DCAF10: variants seen among roughly 807,000 people sequenced by gnomAD.
DCAF10 encodes DDB1- and CUL4-associated factor 10.
In DCAF10, 19 loss-of-function variants were observed where a neutral mutation model predicts 51.9. That is an observed-to-expected ratio of 0.37 (90% CI 0.26 to 0.54). DCAF10 has a LOEUF of 0.54. Among genes scored for constraint, DCAF10 ranks in the 20% least tolerant of loss-of-function variants. DCAF10 has a pLI of 0.87. For synonymous variants in DCAF10, 291 were observed against 297.1 expected (o/e 0.98, Z 0.21); for missense variants, 510 against 730.6 (o/e 0.70, Z 3.48).
chr9:37,845,160 T>C (rs1042820382), intron 3 of DCAF10, among the ~76,000 whole-genome samples: 2 of 152,130 alleles, frequency 1.3e-5, no homozygotes, highest in Non-Finnish European at 2.9e-5. Flanking sequence ...AGGTTGAAAA[T>C]TGATGAACTA....
rs942990803 is a variant in DCAF10, at chr9:37,863,224, G to T, written c.*1716G>T. On this transcript the variant is annotated 3_prime_UTR_variant, in exon 7 of 7. Transcript: ENST00000377724. Reference sequence around the variant, plus strand: ...ACCTGTAATCCCAGCTACCCAGGAGGCTGAGGCAAGAGAATCACTTGAACC... The same window carrying T: ...ACCTGTAATCCCAGCTACCCAGGAGTCTGAGGCAAGAGAATCACTTGAACC... The T allele has an allele frequency of 3.3e-5, 5 of 150,612 alleles. No homozygotes were observed. Among genetic ancestry groups the T allele is most frequent in the Admixed American group, 1.3e-4 (2 of 14,998 alleles). The allele number at this position is 150,612 out of a possible 1,614,324, so 9.3% of individuals were successfully genotyped here. A position where few individuals can be genotyped will look rare whatever the true frequency, so the allele number is the denominator to read the frequency against.
chr9:37,815,576 C>T (rs541081045), intron 1 of DCAF10, among the ~76,000 whole-genome samples: 5 of 151,884 alleles, frequency 3.3e-5, no homozygotes, highest in Admixed American at 1.3e-4. Context: ...ACCCGGGAGG[C>T]GGAGGTTGCA....
intron 2 of DCAF10, among the ~76,000 whole-genome samples, chr9:37,825,934 C>G (rs1829838513): frequency 6.6e-6 from 1 of 151,966 alleles, no homozygotes; most frequent in African/African-American, 2.4e-5. Context: ...ACCCAGGAGG[C>G]TGAGGCAGGA....
rs201983494 is a variant in DCAF10, at chr9:37,840,524, TAAAG to T, written c.654-1557_654-1554del. On this transcript the variant is annotated intron_variant, in intron 2 of 6. Transcript: ENST00000377724. ...GAAAAAAGTTAATAAAATAAGGCTA[TAAAG>T]AAAGAAAATATTTTTGTACAGTTGT... 8.9e-3 allele frequency among the ~76,000 whole-genome samples: 1,349 copies of T among 152,322 alleles called. 8 individuals are homozygous for T. Among genetic ancestry groups the T allele is most frequent in the Middle Eastern group, 0.014 (4 of 294 alleles).
At chr9:37,860,292 C>A in intron 6 of DCAF10, 99 bp downstream of exon 6, 1 of 1,470,730 alleles carries the variant, frequency 6.8e-7, no homozygotes. Flanking sequence ...CAGTCTCTGC[C>A]TTCAAGGGCA....
intron 1 of DCAF10, among the ~76,000 whole-genome samples, chr9:37,809,484 T>C (rs946863342): frequency 6.6e-6 from 1 of 151,276 alleles, no homozygotes; most frequent in Non-Finnish European, 1.5e-5. Context: ...AAAACACTTA[T>C]AAAAATGAAA....
At position 37,866,148 on chromosome 9, in the gene DCAF10, C is replaced by T. The variant is rs770254937; in HGVS notation, c.*4640C>T. The T allele has an allele frequency of 2.0e-5, 3 of 152,510 alleles. No homozygotes were observed. Among genetic ancestry groups the T allele is most frequent in the Admixed American group, 1.3e-4 (2 of 15,264 alleles). 9.4% of individuals were successfully genotyped at this position (152,510 alleles called of 1,614,324 possible). A position where few individuals can be genotyped will look rare whatever the true frequency, so the allele number is the denominator to read the frequency against. ...ACCCCGTGTTGGTCTTGAAGGAAACCGTACATATGAATTTTTGGATAGCTA... is the reference window on the plus strand; with the variant it reads ...ACCCCGTGTTGGTCTTGAAGGAAACTGTACATATGAATTTTTGGATAGCTA... On this transcript the variant is annotated 3_prime_UTR_variant, in exon 7 of 7. Coordinates refer to ENST00000377724, the MANE Select transcript of DCAF10 (RefSeq NM_024345.5).
intron 1 of DCAF10, among the ~76,000 whole-genome samples, chr9:37,803,398 T>C (rs1829016041): frequency 6.6e-6 from 1 of 151,936 alleles, no homozygotes; most frequent in Non-Finnish European, 1.5e-5. Flanking sequence ...AAATAAAACC[T>C]CTTTGAACAA....
chr9:37,865,465 AAATCT>A lies in DCAF10; in HGVS notation c.*3963_*3967del, dbSNP rs1336858797. The A allele has an allele frequency of 3.3e-5, 5 of 152,246 alleles. No individual in the cohort carries two copies. The highest frequency in any genetic ancestry group is 5.9e-5 in the Non-Finnish European group (4 of 68,048). The allele number at this position is 152,246 out of a possible 1,614,324, so 9.4% of individuals were successfully genotyped here. ...CAAAGCCCCATTTCACTTAAGAGTAAAATCTAATCTGATGTTTTTTACTCTGAATT... is the reference window on the plus strand; with the variant it reads ...CAAAGCCCCATTTCACTTAAGAGTAAAATCTGATGTTTTTTACTCTGAATT... On this transcript the variant is annotated 3_prime_UTR_variant, in exon 7 of 7. Coordinates refer to ENST00000377724, the MANE Select transcript of DCAF10 (RefSeq NM_024345.5).
In DCAF10 at chr9:37,814,080, C is replaced by CTATATATA. The variant is rs58660288; in HGVS notation, c.540-5168_540-5161dup. Among the ~76,000 whole-genome samples the CTATATATA allele has an allele frequency of 9.2e-3, 433 of 47,010 alleles. 10 individuals are homozygous for CTATATATA. The highest frequency in any genetic ancestry group is 0.011 in the Non-Finnish European group (277 of 25,132). The allele number at this position is 47,010 out of a possible 152,430, so 30.8% of individuals were successfully genotyped here. A position where few individuals can be genotyped will look rare whatever the true frequency, so the allele number is the denominator to read the frequency against. ...TGAACCACTTTGAAACTATTTGTCACTATATATATATATATATATATATAT... is the reference window on the plus strand; with the variant it reads ...TGAACCACTTTGAAACTATTTGTCACTATATATATATATATATATATATATATATATAT... On this transcript the variant is annotated intron_variant, in intron 1 of 6. Coordinates refer to ENST00000377724, the MANE Select transcript of DCAF10 (RefSeq NM_024345.5).
intron 2 of DCAF10, chr9:37,836,019 C>T: frequency 2.9e-6 from 3 of 1,030,924 alleles, no homozygotes; most frequent in South Asian, 1.3e-5. Flanking sequence ...GGCACACGGC[C>T]CCAAACGCCG....
chr9:37,846,738 T>C (rs576317610), intron 3 of DCAF10, among the ~76,000 whole-genome samples: 1 of 152,186 alleles, frequency 6.6e-6, no homozygotes, highest in African/African-American at 2.4e-5. Flanking sequence ...TTACAGGTGT[T>C]AGCCACTGTG....
intron 3 of DCAF10, among the ~76,000 whole-genome samples, chr9:37,848,549 G>A (rs975108360): frequency 1.3e-5 from 2 of 152,154 alleles, no homozygotes; most frequent in Admixed American, 6.5e-5. Context: ...TTGATTAGTG[G>A]TTGCCTGGAG....
At chr9:37,807,515 AGAAT>A (rs1471454429) in intron 1 of DCAF10, among the ~76,000 whole-genome samples, 2 of 152,158 alleles carry the variant, frequency 1.3e-5, no homozygotes, top group Non-Finnish European at 2.9e-5. Context: ...GAAAATTACT[AGAAT>A]GATTTAATGA....
chr9:37,828,936 GAA>G, intron 2 of DCAF10, among the ~76,000 whole-genome samples: 1 of 152,266 alleles, frequency 6.6e-6, no homozygotes, highest in Non-Finnish European at 1.5e-5. Flanking sequence ...CTAAGTGTAA[GAA>G]AGGATTTTTT....
intron 2 of DCAF10, 117 bp downstream of exon 2, chr9:37,819,518 T>C (rs1829642924): frequency 6.5e-6 from 4 of 611,218 alleles, no homozygotes; most frequent in Non-Finnish European, 8.4e-6. Context: ...ATGATCCACA[T>C]TGTGAATTGT....
chr9:37,831,633 A>G (rs1830009598), intron 2 of DCAF10, among the ~76,000 whole-genome samples: 1 of 152,222 alleles, frequency 6.6e-6, no homozygotes. Flanking sequence ...ATCTTGTAAA[A>G]TAAAAAAATA....
intron 1 of DCAF10, among the ~76,000 whole-genome samples, chr9:37,802,647 A>G (rs1002221269): frequency 2.0e-5 from 3 of 152,226 alleles, no homozygotes; most frequent in African/African-American, 7.2e-5. Context: ...GTGAGCAAGT[A>G]GACTCTATTC....
chr9:37,818,359 A>C lies in DCAF10; in HGVS notation c.540-929A>C, dbSNP rs1416194893. Among the ~76,000 whole-genome samples, 10 of 152,184 alleles carry C rather than the reference A, an allele frequency of 6.6e-5. No individual in the cohort carries two copies. The East Asian group carries it at 1.7e-3, about 26-fold the overall frequency. ...ACCTAAAAAGTTTGTTCTGAATAGA[A>C]AAGTTTTTGGCTATTTATTCTATCT... On this transcript the variant is annotated intron_variant, in intron 1 of 6. Coordinates refer to ENST00000377724, the MANE Select transcript of DCAF10 (RefSeq NM_024345.5).
Sources: gnomAD v4.1 joint callset for allele counts (sites outside exome capture counted in the v4.1 genomes callset) on GRCh38, gnomAD v4.1.1 for gene constraint, MANE v1.5 for transcripts, NCBI Gene and HGNC (gene_info 2026-07-23, HGNC 2026-07-21) for gene names.